The following PUM1 variants were observed in gnomAD, a reference collection of about 807,000 sequenced individuals.
PUM1 encodes the protein pumilio RNA binding family member 1, also known as pumilio homolog 1.
In PUM1, 13 loss-of-function variants were observed where a neutral mutation model predicts 131.8. The ratio of observed to expected loss-of-function variants is 0.10; its 90% CI spans 0.06 to 0.16. PUM1 has a LOEUF of 0.16. PUM1 is among the 10% of genes least tolerant of loss of function. The probability of loss-of-function intolerance (pLI) is 1.00; values close to 1 mark genes in which losing one functional copy is unlikely to be tolerated. For missense variants in PUM1, 961 were observed against 1,512.4 expected (o/e 0.64, Z 6.05); for synonymous variants, 509 against 556.5 (o/e 0.91, Z 1.20).
At chr1:31,010,766 C>T (rs1642582964) in intron 3 of PUM1, among the ~76,000 whole-genome samples, 1 of 152,188 alleles carries the variant, frequency 6.6e-6, no homozygotes, top group Non-Finnish European at 1.5e-5. Flanking sequence ...GAGATGAATG[C>T]AGCCAAAGTT....
Position 31,036,130 on chromosome 1 carries a change from C to T in PUM1, c.364-7266G>A, listed in dbSNP as rs1228531780. ...TGTTGCCCAGGCTGAAGTGCAGTGG[C>T]ACTATCTCGGCTCACTGCAACCCCT... On this transcript the variant is annotated intron_variant, in intron 2 of 21. Transcript: ENST00000426105. 2.0e-5 allele frequency among the ~76,000 whole-genome samples: 3 copies of T among 151,720 alleles called. No homozygotes were observed. In the East Asian group the frequency reaches 5.8e-4, roughly 29 times the overall value.
At chr1:30,978,718 T>C (rs760041194) in intron 9 of PUM1, among the ~76,000 whole-genome samples, 3 of 152,198 alleles carry the variant, frequency 2.0e-5, no homozygotes, top group Non-Finnish European at 4.4e-5. Context: ...ACATTTATGG[T>C]CCCATCACGG....
intron 3 of PUM1, among the ~76,000 whole-genome samples, chr1:31,022,715 T>C (rs959660914): frequency 2.6e-5 from 4 of 152,252 alleles, no homozygotes; most frequent in African/African-American, 9.6e-5. Flanking sequence ...GTCATTAACC[T>C]AAAATAAGCC....
intron 7 of PUM1, among the ~76,000 whole-genome samples, chr1:30,987,995 T>C (rs1328696101): frequency 6.6e-6 from 1 of 152,228 alleles, no homozygotes; most frequent in African/African-American, 2.4e-5. Context: ...CATCATATCA[T>C]AAATAAGTAA....
intron 2 of PUM1, among the ~76,000 whole-genome samples, chr1:31,039,826 G>C (rs1483430826): frequency 6.6e-6 from 1 of 152,052 alleles, no homozygotes; most frequent in Non-Finnish European, 1.5e-5. Context: ...TTGAACCCAG[G>C]AGGCAGAGGC....
intron 15 of PUM1, among the ~76,000 whole-genome samples, chr1:30,952,856 T>C (rs975138145): frequency 6.6e-6 from 1 of 151,828 alleles, no homozygotes; most frequent in Non-Finnish European, 1.5e-5. Context: ...AAAACAGTAC[T>C]CATCAGCTAC....
chr1:31,057,534 G>A (rs1039185131), intron 2 of PUM1, among the ~76,000 whole-genome samples: 32 of 151,382 alleles, frequency 2.1e-4, no homozygotes, highest in African/African-American at 5.6e-4. Context: ...AGACCAGCCC[G>A]GCCAACATGG....
intron 5 of PUM1, among the ~76,000 whole-genome samples, chr1:30,998,747 A>C (rs1010735670): frequency 6.6e-6 from 1 of 152,204 alleles, no homozygotes; most frequent in African/African-American, 2.4e-5. Flanking sequence ...TACTACCAAA[A>C]ATTTACAGTG....
intron 2 of PUM1, among the ~76,000 whole-genome samples, chr1:31,048,482 A>AT (rs1004083689): frequency 4.0e-4 from 56 of 141,750 alleles, no homozygotes; most frequent in Middle Eastern, 3.6e-3. Flanking sequence ...TATTTTTTTT[A>AT]TTTTTTTTTT....
chr1:30,953,865 A>T lies in PUM1; in HGVS notation c.2440T>A (p.Ser814Thr), dbSNP rs896824879. The change falls in exon 15 of 22, where the codon TCC becomes ACC. Residue 814 changes from serine to threonine, a missense_variant. Around this residue, in one of 4 missense-constraint regions of PUM1, gnomAD observed 117 missense variants for 200.7 expected, o/e 0.58. Coordinates refer to ENST00000426105, the MANE Select transcript of PUM1 (RefSeq NM_001020658.2). ...LFSPSSTLFS[S>T]SRLRYGMSDV... ...GACATTCCATATCGCAAACGAGAGG[A>T]AGAGAAAAGAGTGCTGCTCGGGCTG... 1.2e-6 allele frequency: 2 copies of T among 1,614,118 alleles called. No individual in the cohort carries two copies. The highest frequency in any genetic ancestry group is 1.7e-6 in the Non-Finnish European group (2 of 1,180,048).
chr1:31,031,721 T>C (rs1329556648), intron 2 of PUM1, among the ~76,000 whole-genome samples: 1 of 152,262 alleles, frequency 6.6e-6, no homozygotes, highest in Non-Finnish European at 1.5e-5. Context: ...CTCTTGGTCT[T>C]GCCTTTGCTT....
At chr1:31,048,021 A>T (rs999044557) in intron 2 of PUM1, among the ~76,000 whole-genome samples, 4 of 151,990 alleles carry the variant, frequency 2.6e-5, no homozygotes, top group African/African-American at 9.7e-5. Flanking sequence ...CGGGTGGATC[A>T]TGAGGTCAGG....
At chr1:30,946,778 A>T (rs550972889) in intron 17 of PUM1, among the ~76,000 whole-genome samples, 17 of 152,098 alleles carry the variant, frequency 1.1e-4, no homozygotes, top group African/African-American at 4.1e-4. Flanking sequence ...TCTACATGGC[A>T]CACAGCCATA....
chr1:30,936,890 G>C, intron 20 of PUM1, 55 bp from the exon 21 acceptor site: 1 of 1,449,958 alleles, frequency 6.9e-7, no homozygotes, highest in Non-Finnish European at 9.4e-7. Flanking sequence ...CTGTTAGTGA[G>C]GCTGTGCTTG....
intron 14 of PUM1, among the ~76,000 whole-genome samples, chr1:30,958,661 C>A (rs1209214730): frequency 6.6e-6 from 1 of 152,112 alleles, no homozygotes; most frequent in Non-Finnish European, 1.5e-5. Flanking sequence ...ACATCCCTTA[C>A]TTTTTTTCTC....
At chr1:31,008,676 A>G (rs559942503) in intron 3 of PUM1, among the ~76,000 whole-genome samples, 1 of 152,252 alleles carries the variant, frequency 6.6e-6, no homozygotes, top group Non-Finnish European at 1.5e-5. Context: ...ATATCGTTCA[A>G]GTTGCTGTGA....
At chr1:31,038,982 A>ATTTTTTTTTTTTT (rs1172043445) in intron 2 of PUM1, among the ~76,000 whole-genome samples, 3 of 27,976 alleles carry the variant, frequency 1.1e-4, no homozygotes, top group East Asian at 2.1e-3. Flanking sequence ...ATATATATAT[A>ATTTTTTTTTTTTT]TATTTTTTTT....
At chr1:31,060,107 G>C (rs945587206) in intron 1 of PUM1, among the ~76,000 whole-genome samples, 2 of 150,188 alleles carry the variant, frequency 1.3e-5, no homozygotes, top group East Asian at 2.1e-4. Flanking sequence ...CTCGGCCTCC[G>C]GAAGTGCTGG....
intron 5 of PUM1, 43 bp from the exon 6 acceptor site, chr1:30,995,263 A>C (rs1361273280): frequency 1.9e-6 from 3 of 1,608,440 alleles, no homozygotes; most frequent in Non-Finnish European, 2.6e-6. Context: ...GTCATCAACT[A>C]ATAATAACGG....
Sources: allele counts gnomAD v4.1 joint callset (sites outside exome capture counted in the v4.1 genomes callset), GRCh38; gene constraint gnomAD v4.1.1; regional missense constraint gnomAD v4.1.1; transcripts MANE v1.5; gene names NCBI Gene and HGNC (gene_info 2026-07-23, HGNC 2026-07-21).